Variants in ZNF599 observed in about 807,000 individuals in gnomAD.
The protein encoded by ZNF599 is zinc finger protein 599.
Under a neutral mutation model 11.7 loss-of-function variants are expected in ZNF599, and 10 were observed. The observed-to-expected ratio is 0.86, with a 90% CI of 0.53 to 1.45. ZNF599 has a LOEUF of 1.45. Among genes scored for constraint, ZNF599 ranks in the 40% most tolerant of loss-of-function variants. ZNF599 has a pLI of 0.00. For synonymous variants in ZNF599, 232 were observed against 253.2 expected, an observed-to-expected ratio of 0.92 and a Z score of 0.79; for missense variants, 688 against 713.6, an observed-to-expected ratio of 0.96 and a Z score of 0.41.
chr19:34,792,760 G>A, the ZNF599 span, among the ~76,000 whole-genome samples: 3 of 152,032 alleles, frequency 2.0e-5, no homozygotes, highest in Non-Finnish European at 4.4e-5. Flanking sequence ...CTACTCGGGA[G>A]GCTGAGGCAG....
chr19:34,802,021 G>T, the ZNF599 span, among the ~76,000 whole-genome samples: 1 of 152,200 alleles, frequency 6.6e-6, no homozygotes, highest in Non-Finnish European at 1.5e-5. Flanking sequence ...AGGGGGCTCT[G>T]ACCTGTGACA....
the ZNF599 span, chr19:34,788,695 CATT>C: frequency 6.6e-6 from 1 of 152,096 alleles, no homozygotes; most frequent in Non-Finnish European, 1.5e-5. Flanking sequence ...AAAAAATACT[CATT>C]ATCTGTAGAA....
chr19:34,782,028 C>G, the ZNF599 span, among the ~76,000 whole-genome samples: 1 of 152,188 alleles, frequency 6.6e-6, no homozygotes, highest in African/African-American at 2.4e-5. Context: ...GGAACCCAAA[C>G]AATGGTGAAC....
At chr19:34,795,616 T>G in the ZNF599 span, among the ~76,000 whole-genome samples, 1 of 152,162 alleles carries the variant, frequency 6.6e-6, no homozygotes, top group African/African-American at 2.4e-5. Context: ...CAATTATCCC[T>G]GAATTGTTAA....
chr19:34,795,879 T>A, the ZNF599 span, among the ~76,000 whole-genome samples: 2 of 152,192 alleles, frequency 1.3e-5, no homozygotes, highest in Admixed American at 1.3e-4. Context: ...TGGAGTGCAA[T>A]GGCACAATCT....
chr19:34,777,497 A>G (rs1458560798), upstream of ZNF599, among the ~76,000 whole-genome samples: 1 of 110,448 alleles, frequency 9.1e-6, no homozygotes, highest in Non-Finnish European at 1.7e-5. Context: ...TATATGATAT[A>G]TATTAATATA....
the ZNF599 span, among the ~76,000 whole-genome samples, chr19:34,791,486 A>G: frequency 3.0e-4 from 45 of 152,202 alleles, no homozygotes; most frequent in Non-Finnish European, 6.2e-4. Flanking sequence ...GGCTGCTGAT[A>G]TTGTAAAGTG....
intron 1 of ZNF599, among the ~76,000 whole-genome samples, chr19:34,770,882 T>C (rs545840887): frequency 1.3e-5 from 2 of 152,318 alleles, no homozygotes; most frequent in African/African-American, 4.8e-5. Flanking sequence ...TTCATTCCAA[T>C]GTCCACCTGC....
chr19:34,781,172 A>AC, the ZNF599 span, among the ~76,000 whole-genome samples: 2 of 151,686 alleles, frequency 1.3e-5, no homozygotes, highest in Non-Finnish European at 2.9e-5. Context: ...AAATAAAAAT[A>AC]AAAAAAAGAA....
chr19:34,803,596 G>T, the ZNF599 span, among the ~76,000 whole-genome samples: 2 of 152,104 alleles, frequency 1.3e-5, no homozygotes, highest in African/African-American at 4.8e-5. Context: ...AAAACCCAGA[G>T]GATGTATCAG....
the ZNF599 span, among the ~76,000 whole-genome samples, chr19:34,793,136 A>T: frequency 6.6e-6 from 1 of 152,174 alleles, no homozygotes; most frequent in South Asian, 2.1e-4. Context: ...ATTAAATATG[A>T]ATTGAAATGA....
At chr19:34,805,431 C>T in the ZNF599 span, among the ~76,000 whole-genome samples, 21 of 152,162 alleles carry the variant, frequency 1.4e-4, no homozygotes, top group East Asian at 1.9e-4. Context: ...CTCTTGACCT[C>T]GTGATCCACC....
At chr19:34,764,783 T>C (rs2069131991) in intron 3 of ZNF599, 1 of 152,270 alleles carries the variant, frequency 6.6e-6, no homozygotes, top group African/African-American at 2.4e-5. Flanking sequence ...TGTTAAGTGC[T>C]GAAAACACTG....
the ZNF599 span, chr19:34,791,825 C>A: frequency 6.6e-6 from 1 of 152,168 alleles, no homozygotes; most frequent in Admixed American, 6.6e-5. Context: ...CCTACCTGGA[C>A]AGGAACTTTA....
intron 1 of ZNF599, among the ~76,000 whole-genome samples, chr19:34,771,171 GGC>G (rs1568495202): frequency 6.6e-6 from 1 of 152,150 alleles, no homozygotes; most frequent in African/African-American, 2.4e-5. Context: ...CTACTCAGGA[GGC>G]TCAGTGGGGA....
chr19:34,777,416 TATTA>T (rs1161696024), upstream of ZNF599, among the ~76,000 whole-genome samples: 3 of 94,674 alleles, frequency 3.2e-5, no homozygotes, highest in Admixed American at 1.7e-4. Context: ...ATATAATATA[TATTA>T]ATTAATATAT....
chr19:34,798,887 A>G, the ZNF599 span, among the ~76,000 whole-genome samples: 200 of 152,256 alleles, frequency 1.3e-3, no homozygotes, highest in African/African-American at 4.4e-3. Context: ...GGCCATAAAA[A>G]TCCCTTGCAT....
chr19:34,791,771 G>A, the ZNF599 span: 1 of 152,228 alleles, frequency 6.6e-6, no homozygotes. Flanking sequence ...GTCCCCAATT[G>A]ATCTACGGAG....
intron 1 of ZNF599, chr19:34,772,193 C>T (rs1285117309): frequency 2.7e-5 from 9 of 337,964 alleles, no homozygotes; most frequent in Non-Finnish European, 3.8e-5. Flanking sequence ...AATACAAGAG[C>T]ATGTGTTAAA....
Sources: allele counts gnomAD v4.1 joint callset (sites outside exome capture counted in the v4.1 genomes callset), GRCh38; gene constraint gnomAD v4.1.1; transcripts MANE v1.5; gene names NCBI Gene and HGNC (gene_info 2026-07-23, HGNC 2026-07-21).